The following TYW1 variants were observed in gnomAD, a reference collection of about 807,000 sequenced individuals.
TYW1 encodes tRNA-yW synthesizing protein 1 homolog.
TYW1 carries 46 observed loss-of-function variants against 96.2 expected under a neutral mutation model. The observed-to-expected ratio is 0.48, with a 90% confidence interval of 0.38 to 0.61. The LOEUF is 0.61. TYW1 is among the 20% of genes least tolerant of loss of function. TYW1 has a pLI of 0.00. For missense variants in TYW1, 684 were observed against 909.6 expected, an observed-to-expected ratio of 0.75 and a Z score of 3.19; for synonymous variants, 274 against 323.0, an observed-to-expected ratio of 0.85 and a Z score of 1.63.
At chr7:67,001,097 T>A (rs1449095063) in intron 3 of TYW1, among the ~76,000 whole-genome samples, 1 of 151,514 alleles carries the variant, frequency 6.6e-6, no homozygotes, top group Non-Finnish European at 1.5e-5. Context: ...TTAAAAAAAA[T>A]GATCAAAAAG....
chr7:67,063,869 T>G (rs1795777718), intron 9 of TYW1, among the ~76,000 whole-genome samples: 1 of 151,906 alleles, frequency 6.6e-6, no homozygotes, highest in Non-Finnish European at 1.5e-5. Flanking sequence ...CCCAAAGTGC[T>G]GGATTACAGG....
At chr7:67,096,978 G>GC (rs1175631469) in intron 11 of TYW1, among the ~76,000 whole-genome samples, 1 of 151,842 alleles carries the variant, frequency 6.6e-6, no homozygotes, top group African/African-American at 2.4e-5. Flanking sequence ...GATGCATGAG[G>GC]CCCCTCCCCA....
chr7:67,085,264 T>A (rs1011229774), intron 11 of TYW1, among the ~76,000 whole-genome samples: 1 of 152,178 alleles, frequency 6.6e-6, no homozygotes, highest in African/African-American at 2.4e-5. Context: ...AATTGTAATC[T>A]CCATAATCCC....
At chr7:67,204,630 T>G (rs941642475) in intron 15 of TYW1, among the ~76,000 whole-genome samples, 6 of 151,172 alleles carry the variant, frequency 4.0e-5, no homozygotes, top group African/African-American at 1.5e-4. Context: ...AATCTCACTC[T>G]GTCATCCAGG....
rs541304468 is a variant in TYW1, at chr7:67,133,571, G to A, written c.1698+15953G>A. On this transcript the variant is annotated intron_variant, in intron 13 of 15. Coordinates refer to ENST00000359626, the MANE Select transcript of TYW1 (RefSeq NM_018264.4). Reference sequence around the variant, plus strand: ...AAATTAGCTGGGCGTGATGATGTGCGCCTGTTGTCCCAGGTACTTGGCGGC... The same window carrying A: ...AAATTAGCTGGGCGTGATGATGTGCACCTGTTGTCCCAGGTACTTGGCGGC... 1.5e-3 allele frequency among the ~76,000 whole-genome samples: 224 copies of A among 146,060 alleles called. 2 individuals carry two copies. The highest frequency in any genetic ancestry group is 5.6e-3 in the African/African-American group (214 of 38,456).
chr7:67,033,254 C>A (rs1257419038), intron 7 of TYW1, among the ~76,000 whole-genome samples: 1 of 152,150 alleles, frequency 6.6e-6, no homozygotes, highest in African/African-American at 2.4e-5. Context: ...TCTGGCTTCT[C>A]TTTTGAAGTC....
chr7:67,009,637 A>G lies in TYW1; in HGVS notation c.328A>G (p.Ile110Val). Residue 110 changes from isoleucine (I) to valine (V), a missense_variant, in exon 4 of 16, where the codon ATT becomes GTT. Transcript: ENST00000359626. ...TACATCCCTGGATCTGCCTGTGGCC[A>G]TTATTAATCTAAAAGAATATGATCC... Reference protein sequence around the residue: ...AVTSLDLPVAIINLKEYDPDD... With the variant: ...AVTSLDLPVAVINLKEYDPDD... The G allele has an allele frequency of 6.2e-7, 1 of 1,612,436 alleles. No individual in the cohort carries two copies. The highest frequency in any genetic ancestry group is 8.5e-7 in the Non-Finnish European group (1 of 1,179,690).
At chr7:67,084,062 T>C (rs1041125276) in intron 11 of TYW1, among the ~76,000 whole-genome samples, 6 of 152,170 alleles carry the variant, frequency 3.9e-5, no homozygotes, top group African/African-American at 9.7e-5. Flanking sequence ...ATAAAAAGTT[T>C]AGCAACTTAT....
chr7:67,139,155 C>T (rs1798363111), intron 13 of TYW1, among the ~76,000 whole-genome samples: 1 of 152,146 alleles, frequency 6.6e-6, no homozygotes, highest in South Asian at 2.1e-4. Context: ...TGGGTTCAAG[C>T]AATTCTCCTG....
At chr7:67,000,158 A>C (rs889239124) in intron 3 of TYW1, among the ~76,000 whole-genome samples, 57 of 149,840 alleles carry the variant, frequency 3.8e-4, no homozygotes, top group African/African-American at 1.4e-3. Context: ...CTGGTCTTAA[A>C]CTCTTGGGCT....
chr7:67,228,151 C>T (rs1429578433), intron 15 of TYW1, among the ~76,000 whole-genome samples: 9 of 152,148 alleles, frequency 5.9e-5, no homozygotes, highest in South Asian at 2.1e-4. Flanking sequence ...TTGCCTATAG[C>T]AGTGTATTAG....
chr7:67,126,730 A>G (rs1797924566), intron 13 of TYW1, among the ~76,000 whole-genome samples: 1 of 140,110 alleles, frequency 7.1e-6, no homozygotes, highest in Admixed American at 6.9e-5. Flanking sequence ...TCTTCTCCCC[A>G]TTGTATTACT....
chr7:67,022,177 T>C (rs1794301354), intron 6 of TYW1, among the ~76,000 whole-genome samples: 1 of 152,234 alleles, frequency 6.6e-6, no homozygotes, highest in South Asian at 2.1e-4. Context: ...CCTCCCAAAG[T>C]GTTGGGATTA....
intron 15 of TYW1, among the ~76,000 whole-genome samples, chr7:67,204,736 G>A (rs1159237152): frequency 6.6e-6 from 1 of 151,918 alleles, no homozygotes; most frequent in East Asian, 1.9e-4. Context: ...TGGGATTACA[G>A]GCGTGTACCA....
At chr7:67,079,171 G>GTGT (rs1554359509) in intron 10 of TYW1, among the ~76,000 whole-genome samples, 25,288 of 148,846 alleles carry the variant, frequency 0.17, 2,401 homozygotes, top group African/African-American at 0.26. Context: ...TCGTGTGAGA[G>GTGT]GTGTGTGTGT....
At chr7:67,061,839 T>C (rs574742594) in intron 9 of TYW1, among the ~76,000 whole-genome samples, 3 of 152,314 alleles carry the variant, frequency 2.0e-5, no homozygotes, top group East Asian at 3.9e-4. Context: ...ATAGATAGCT[T>C]ATGCGAGAAA....
chr7:67,092,245 T>G (rs1193298162), intron 11 of TYW1, among the ~76,000 whole-genome samples: 2 of 152,116 alleles, frequency 1.3e-5, no homozygotes, highest in Non-Finnish European at 2.9e-5. Flanking sequence ...TCCACTATCG[T>G]GCCACCTCCA....
chr7:67,209,117 A>G lies in TYW1; in HGVS notation c.1977+13780A>G, dbSNP rs184105835. ...AAAGACCGCAATTACTTTTGCACCA[A>G]CATAATAGAAGGGTGCAGAAAGCTC... is the stretch of plus-strand genomic sequence containing the variant. On this transcript the variant is annotated intron_variant, in intron 15 of 15. Transcript: ENST00000359626. Among the ~76,000 whole-genome samples, 25 of 152,310 alleles carry G rather than the reference A, an allele frequency of 1.6e-4. No individual in the cohort carries two copies. In the East Asian group the frequency reaches 4.4e-3, roughly 27 times the overall value.
At chr7:67,064,929 T>C (rs1795813637) in intron 9 of TYW1, among the ~76,000 whole-genome samples, 1 of 152,242 alleles carries the variant, frequency 6.6e-6, no homozygotes, top group South Asian at 2.1e-4. Flanking sequence ...ACACCTTATA[T>C]AAAAATTAAT....
Sources: gnomAD v4.1 joint callset for allele counts (sites outside exome capture counted in the v4.1 genomes callset) on GRCh38, gnomAD v4.1.1 for gene constraint, MANE v1.5 for transcripts, NCBI Gene and HGNC (gene_info 2026-07-23, HGNC 2026-07-21) for gene names.